The following ATE1 variants were observed in gnomAD, a reference collection of about 807,000 sequenced individuals.
ATE1 encodes arginyl-tRNA--protein transferase 1.
In ATE1, 36 loss-of-function variants were observed where a neutral mutation model predicts 70.5. That is an observed-to-expected ratio of 0.51 (90% confidence interval 0.39 to 0.67). The LOEUF is 0.67. Among genes scored for constraint, ATE1 ranks in the 30% least tolerant of loss-of-function variants. The probability of loss-of-function intolerance (pLI) is 0.00; values close to 1 mark genes in which losing one functional copy is unlikely to be tolerated. For missense variants in ATE1, 593 were observed against 629.5 expected (o/e 0.94, Z 0.62); for synonymous variants, 232 against 219.3 (o/e 1.06, Z -0.51).
At chr10:121,917,294 G>A (rs1354361481) in intron 3 of ATE1, among the ~76,000 whole-genome samples, 4 of 152,134 alleles carry the variant, frequency 2.6e-5, no homozygotes, top group Non-Finnish European at 4.4e-5. Flanking sequence ...CACTTGATGC[G>A]TTTAAATATA....
At position 121,872,553 on chromosome 10, in the gene ATE1, C is replaced by T. The variant is rs150456112; in HGVS notation, c.943-2515G>A. 7.1e-3 allele frequency among the ~76,000 whole-genome samples: 1,079 copies of T among 151,946 alleles called. 25 individuals carry two copies. Among genetic ancestry groups the T allele is most frequent in the African/African-American group, 0.025 (1,021 of 41,434 alleles). On this transcript the variant is annotated intron_variant, in intron 7 of 11. Transcript: ENST00000224652. The stretch of plus-strand genomic sequence containing the variant: ...CTTCAGTTAATTACTTAGTAAATTC[C>T]TTCATAATGAAACTGTACATATTAT...
intron 10 of ATE1, among the ~76,000 whole-genome samples, chr10:121,818,251 C>T (rs1347971645): frequency 1.3e-4 from 9 of 68,860 alleles, no homozygotes; most frequent in Admixed American, 4.8e-4. Context: ...AGCCAGACTC[C>T]ATCTCAAAAA....
intron 1 of ATE1, among the ~76,000 whole-genome samples, chr10:121,926,551 G>A (rs1175439159): frequency 6.6e-6 from 1 of 152,132 alleles, no homozygotes; most frequent in Non-Finnish European, 1.5e-5. Flanking sequence ...TGAAATACAA[G>A]ACATTTATGT....
chr10:121,783,906 G>A (rs529641196), intron 11 of ATE1, among the ~76,000 whole-genome samples: 11 of 151,940 alleles, frequency 7.2e-5, no homozygotes, highest in Middle Eastern at 3.4e-3. Context: ...TCGGTTTTGA[G>A]ACAGGGTCTT....
chr10:121,786,392 G>T (rs1411548478), intron 11 of ATE1, among the ~76,000 whole-genome samples: 2 of 151,950 alleles, frequency 1.3e-5, no homozygotes, highest in African/African-American at 4.8e-5. Context: ...GTATTGGCTG[G>T]GCATGGTGGT....
chr10:121,786,264 T>C (rs2133233617), intron 11 of ATE1, among the ~76,000 whole-genome samples: 1 of 127,946 alleles, frequency 7.8e-6, no homozygotes, highest in South Asian at 2.5e-4. Context: ...TTAATACCAA[T>C]GATAATATAA....
intron 10 of ATE1, among the ~76,000 whole-genome samples, chr10:121,816,641 C>T (rs1947555475): frequency 6.6e-6 from 1 of 152,152 alleles, no homozygotes; most frequent in Non-Finnish European, 1.5e-5. Flanking sequence ...CAGCCCTCAC[C>T]AGACTCAGAA....
intron 10 of ATE1, among the ~76,000 whole-genome samples, chr10:121,802,977 G>A (rs1400657431): frequency 3.3e-5 from 5 of 152,182 alleles, no homozygotes; most frequent in African/African-American, 9.7e-5. Flanking sequence ...ATACAATGGG[G>A]AAATCTAATT....
At chr10:121,800,040 A>G (rs1946814276) in intron 10 of ATE1, among the ~76,000 whole-genome samples, 1 of 152,204 alleles carries the variant, frequency 6.6e-6, no homozygotes, top group Admixed American at 6.5e-5. Context: ...TTAATTTTAA[A>G]GGGCTTTAAC....
chr10:121,924,284 A>T lies in ATE1; in HGVS notation c.152T>A (p.Ile51Lys). The change falls in exon 2 of 12, where the codon ATA (isoleucine) becomes AAA (lysine). Residue 51 changes from isoleucine (I) to lysine (K), a missense_variant. Ile to Lys is a moderately radical substitution (Grantham distance 102, BLOSUM62 -3). Transcript: ENST00000224652. ...SMTVQDYQDL[I>K]DRGWRRSGKY... ...GCTTTACCTTCGCCATCCTCGGTCT[A>T]TGAGATCCTGATAATCCTGTACTGT... 1 of 1,614,072 alleles carries T rather than the reference A, an allele frequency of 6.2e-7. No individual in the cohort carries two copies. The highest frequency in any genetic ancestry group is 8.5e-7 in the Non-Finnish European group (1 of 1,179,920).
intron 1 of ATE1, chr10:121,927,445 G>A: frequency 1.0e-6 from 1 of 984,910 alleles, no homozygotes. Flanking sequence ...CACACCCACA[G>A]CTCCCTCTGC....
At chr10:121,914,639 G>A (rs769143690) in intron 3 of ATE1, among the ~76,000 whole-genome samples, 20 of 151,994 alleles carry the variant, frequency 1.3e-4, no homozygotes, top group Non-Finnish European at 2.5e-4. Flanking sequence ...TCTTGTTTTC[G>A]AAGCAGTTAG....
At chr10:121,890,336 G>A (rs923489322) in intron 7 of ATE1, among the ~76,000 whole-genome samples, 8 of 152,064 alleles carry the variant, frequency 5.3e-5, no homozygotes, top group East Asian at 1.9e-4. Context: ...ATTATACCAC[G>A]TCTTGTAGAA....
At chr10:121,854,455 C>G (rs1271412454) in intron 8 of ATE1, among the ~76,000 whole-genome samples, 8 of 152,156 alleles carry the variant, frequency 5.3e-5, no homozygotes, top group Non-Finnish European at 7.3e-5. Context: ...CTGAGAAGCT[C>G]AAGTAGACTA....
chr10:121,813,170 A>G (rs997538876), intron 10 of ATE1, among the ~76,000 whole-genome samples: 1 of 152,204 alleles, frequency 6.6e-6, no homozygotes. Flanking sequence ...CCCAACACAA[A>G]CATGGTCCAT....
intron 11 of ATE1, among the ~76,000 whole-genome samples, chr10:121,787,717 C>G (rs1590298120): frequency 6.6e-6 from 1 of 152,170 alleles, no homozygotes; most frequent in South Asian, 2.1e-4. Context: ...CACCAGGATA[C>G]AGTATGTTCT....
At chr10:121,745,772 C>T (rs975502878) in intron 11 of ATE1, among the ~76,000 whole-genome samples, 14 of 152,054 alleles carry the variant, frequency 9.2e-5, no homozygotes, top group African/African-American at 3.4e-4. Flanking sequence ...AACACCCATA[C>T]AAGTGTTTCC....
intron 8 of ATE1, among the ~76,000 whole-genome samples, chr10:121,865,480 G>C (rs554042487): frequency 6.6e-6 from 1 of 152,032 alleles, no homozygotes; most frequent in Non-Finnish European, 1.5e-5. Context: ...AGAATCTTTC[G>C]GGCTCTGATA....
chr10:121,916,699 G>C (rs1335962728), intron 3 of ATE1, among the ~76,000 whole-genome samples: 4 of 152,154 alleles, frequency 2.6e-5, no homozygotes, highest in African/African-American at 9.7e-5. Flanking sequence ...GCCAGGTATG[G>C]TGGCACATGC....
Sources: allele counts gnomAD v4.1 joint callset (sites outside exome capture counted in the v4.1 genomes callset), GRCh38; gene constraint gnomAD v4.1.1; transcripts MANE v1.5; gene names NCBI Gene and HGNC (gene_info 2026-07-23, HGNC 2026-07-21).